The following NQO1 variants were observed in gnomAD, a reference collection of about 807,000 sequenced individuals.
The protein encoded by NQO1 is NAD(P)H quinone dehydrogenase 1, also known as NAD(P)H dehydrogenase [quinone] 1.
In NQO1, 30 loss-of-function variants were observed where a neutral mutation model predicts 32.1. The ratio of observed to expected loss-of-function variants is 0.94; its 90% CI spans 0.70 to 1.27. The LOEUF (loss-of-function observed/expected upper bound fraction) is 1.27, where lower values mean the gene tolerates loss of function less well. Among genes scored for constraint, NQO1 ranks in the 50% most tolerant of loss-of-function variants. NQO1 has a pLI of 0.00. For synonymous variants in NQO1, 109 were observed against 119.7 expected (o/e 0.91, Z 0.59); for missense variants, 276 against 331.3 (o/e 0.83, Z 1.30).
rs376474672 is a variant in NQO1, at chr16:69,718,494, C to T, written c.48G>A (p.Thr16=). Residue 16 remains threonine (T), a synonymous_variant, in exon 2 of 6, where the codon ACG becomes ACA. Transcript: ENST00000320623. ...ALIVLAHSER[T]SFNYAMKEAA... ...CCTCCTTCATGGCATAGTTGAAGGA[C>T]GTCCTCTCTGAGTGAGCCAGTACGA... The T allele has an allele frequency of 1.7e-5, 28 of 1,613,978 alleles. No individual in the cohort carries two copies. Among genetic ancestry groups the T allele is most frequent in the African/African-American group, 1.6e-4 (12 of 74,922 alleles).
In NQO1 at chr16:69,714,938, C is replaced by G. The variant is rs566336755; in HGVS notation, c.417+26G>C. 2.6e-6 allele frequency: 4 copies of G among 1,513,496 alleles called. No individual in the cohort carries two copies. In the African/African-American group the frequency reaches 5.5e-5, roughly 21 times the overall value. 93.8% of individuals were successfully genotyped at this position (1,513,496 alleles called of 1,614,324 possible). A position where few individuals can be genotyped will look rare whatever the true frequency, so the allele number is the denominator to read the frequency against. ...GACAGACCACCCAGAAGCTGGCTGT[C>G]AGAGCATTCAGAACCATCCACCTAC... On this transcript the variant is annotated intron_variant, in intron 4 of 5. Coordinates refer to ENST00000320623, the MANE Select transcript of NQO1 (RefSeq NM_000903.3).
chr16:69,715,470 C>T (rs1420796310), intron 3 of NQO1, among the ~76,000 whole-genome samples: 1 of 152,124 alleles, frequency 6.6e-6, no homozygotes, highest in Non-Finnish European at 1.5e-5. Context: ...GGTGTGGTAT[C>T]AACAATATGA....
At chr16:69,723,781 A>G (rs557340130) in intron 1 of NQO1, among the ~76,000 whole-genome samples, 3 of 152,140 alleles carry the variant, frequency 2.0e-5, no homozygotes, top group Admixed American at 1.3e-4. Context: ...CAGCCTGCGC[A>G]ACAGAGCAAG....
At chr16:69,713,815 C>T (rs1012603668) in intron 4 of NQO1, among the ~76,000 whole-genome samples, 5 of 151,800 alleles carry the variant, frequency 3.3e-5, no homozygotes, top group Admixed American at 6.6e-5. Flanking sequence ...AGTGATTCTC[C>T]TGCCTCAGCC....
chr16:69,718,754 A>G (rs112795599), intron 1 of NQO1, among the ~76,000 whole-genome samples: 10 of 152,248 alleles, frequency 6.6e-5, no homozygotes, highest in Non-Finnish European at 1.5e-4. Flanking sequence ...AATGTTGACA[A>G]CTGGGCTCTG....
At position 69,715,022 on chromosome 16, in the gene NQO1, AC is replaced by A. The variant is rs2038095008; in HGVS notation, c.358del (p.Val120CysfsTer3). 1 of 1,605,486 alleles carries A rather than the reference AC, an allele frequency of 6.2e-7. No homozygotes were observed. The highest frequency in any genetic ancestry group is 8.5e-7 in the Non-Finnish European group (1 of 1,178,704). Reference sequence around the variant, plus strand: ...AGTGTAAGCAAACTCTCCTATGAACACTCGCTCAAACCAGCCTTTCAGAATG... The same window carrying A: ...AGTGTAAGCAAACTCTCCTATGAACATCGCTCAAACCAGCCTTTCAGAATG... ...PAILKGWFER[V>X]FIGEFAYTYA... On this transcript the variant is annotated frameshift_variant, in exon 4 of 6. Transcript: ENST00000320623. LOFTEE classifies it high-confidence loss of function.
At chr16:69,716,452 A>G (rs45502304) in intron 3 of NQO1, among the ~76,000 whole-genome samples, 1 of 151,772 alleles carries the variant, frequency 6.6e-6, no homozygotes, top group Non-Finnish European at 1.5e-5. Context: ...AGATTGCACC[A>G]TTGCACTCCA....
chr16:69,710,847 C>T lies in NQO1; in HGVS notation c.*129G>A, dbSNP rs1359901043. ...TGATCCAAAAATGCACGAATACAGT[C>T]GATTCCCTCTCATTTATTCCTTGTG... On this transcript the variant is annotated 3_prime_UTR_variant, in exon 6 of 6. Coordinates refer to ENST00000320623, the MANE Select transcript of NQO1 (RefSeq NM_000903.3). 2.5e-5 allele frequency: 25 copies of T among 1,012,062 alleles called. No homozygotes were observed. The highest frequency in any genetic ancestry group is 5.6e-5 in the Admixed American group (2 of 35,904). 62.7% of individuals were successfully genotyped at this position (1,012,062 alleles called of 1,614,324 possible). A position where few individuals can be genotyped will look rare whatever the true frequency, so the allele number is the denominator to read the frequency against.
Position 69,710,102 on chromosome 16 carries a change from G to A in NQO1, c.*874C>T. 2 of 217,454 alleles carry A rather than the reference G, an allele frequency of 9.2e-6. No homozygotes were observed. The highest frequency in any genetic ancestry group is 5.9e-5 in the Admixed American group (1 of 17,086). 13.5% of individuals were successfully genotyped at this position (217,454 alleles called of 1,614,324 possible). On this transcript the variant is annotated 3_prime_UTR_variant, in exon 6 of 6. Transcript: ENST00000320623. ...AATCCCAGCACTTTGGGAGGCTGAG[G>A]TAGGCGGATCACCTGAGGTCAGGAG... is the stretch of plus-strand genomic sequence containing the variant.
chr16:69,726,203 G>A (rs554331284), intron 1 of NQO1, among the ~76,000 whole-genome samples: 1 of 152,240 alleles, frequency 6.6e-6, no homozygotes, highest in South Asian at 2.1e-4. Flanking sequence ...TCTCCTAAAT[G>A]CCCACTAGAG....
chr16:69,716,249 C>A (rs896903495), intron 3 of NQO1, among the ~76,000 whole-genome samples: 5 of 149,846 alleles, frequency 3.3e-5, no homozygotes, highest in African/African-American at 9.8e-5. Flanking sequence ...AATTCTAGCA[C>A]TTTTGGAGGC....
intron 5 of NQO1, among the ~76,000 whole-genome samples, 194 bp downstream of exon 5, chr16:69,712,834 G>A (rs1443000431): frequency 3.3e-5 from 5 of 151,998 alleles, no homozygotes; most frequent in Admixed American, 2.0e-4. Flanking sequence ...GCAAGACCCC[G>A]TCTCTACTAA....
chr16:69,710,906 C>G lies in NQO1; in HGVS notation c.*70G>C. On this transcript the variant is annotated 3_prime_UTR_variant, in exon 6 of 6. Coordinates refer to ENST00000320623, the MANE Select transcript of NQO1 (RefSeq NM_000903.3). Reference sequence around the variant, plus strand: ...AAAACACAAATCTTAAAAACTAAAGCAAGTCAGGGAAGCCTGGAAAGATAC... The same window carrying G: ...AAAACACAAATCTTAAAAACTAAAGGAAGTCAGGGAAGCCTGGAAAGATAC... The G allele has an allele frequency of 6.8e-7, 1 of 1,474,062 alleles. No homozygotes were observed. The highest frequency in any genetic ancestry group is 9.2e-7 in the Non-Finnish European group (1 of 1,091,304). The allele number at this position is 1,474,062 out of a possible 1,614,324, so 91.3% of individuals were successfully genotyped here. A position where few individuals can be genotyped will look rare whatever the true frequency, so the allele number is the denominator to read the frequency against.
chr16:69,715,308 G>A (rs906183792), intron 3 of NQO1, among the ~76,000 whole-genome samples: 19 of 152,226 alleles, frequency 1.2e-4, no homozygotes, highest in Non-Finnish European at 4.4e-5. Context: ...GAGTGGGTCC[G>A]AGTAAAGCTA....
intron 1 of NQO1, among the ~76,000 whole-genome samples, chr16:69,719,745 C>A (rs1457825326): frequency 6.6e-6 from 1 of 151,892 alleles, no homozygotes; most frequent in Non-Finnish European, 1.5e-5. Context: ...TGCACTCCAG[C>A]CTGGGTGACA....
chr16:69,718,578 A>G (rs1027529998), intron 1 of NQO1, 44 bp from the exon 2 acceptor site: 13 of 1,595,064 alleles, frequency 8.2e-6, no homozygotes, highest in Non-Finnish European at 1.1e-5. Flanking sequence ...CCCATTACCA[A>G]CCAGCAAACC....
rs763976236 is a variant in NQO1, at chr16:69,715,096, C to G, written c.304-19G>C. ...GGGGGAACTGTGGGACAGAAGACAT[C>G]ATTGAGGTAAGACCAGGGGCTCCCC... On this transcript the variant is annotated intron_variant, in intron 3 of 5. Coordinates refer to ENST00000320623, the MANE Select transcript of NQO1 (RefSeq NM_000903.3). 6.3e-7 allele frequency: 1 copy of G among 1,597,224 alleles called. No homozygotes were observed. Among genetic ancestry groups the G allele is most frequent in the Non-Finnish European group, 8.6e-7 (1 of 1,165,074 alleles).
chr16:69,712,986 C>G (rs764074611), intron 5 of NQO1, 42 bp downstream of exon 5: 2 of 1,467,168 alleles, frequency 1.4e-6, no homozygotes, highest in African/African-American at 1.4e-5. Context: ...GAGTGAGACT[C>G]CGTCTCAAAG....
At chr16:69,715,652 T>G (rs1394343659) in intron 3 of NQO1, among the ~76,000 whole-genome samples, 1 of 151,990 alleles carries the variant, frequency 6.6e-6, no homozygotes, top group Non-Finnish European at 1.5e-5. Flanking sequence ...CCTGTAGTCC[T>G]AGCTACTCGG....
Sources: gnomAD v4.1 joint callset for allele counts (sites outside exome capture counted in the v4.1 genomes callset) on GRCh38, gnomAD v4.1.1 for gene constraint, MANE v1.5 for transcripts, NCBI Gene and HGNC (gene_info 2026-07-23, HGNC 2026-07-21) for gene names.